The following KCMF1 variants were observed in gnomAD, a reference collection of about 807,000 sequenced individuals.
The protein encoded by KCMF1 is potassium channel modulatory factor 1.
A neutral mutation model predicts 41.1 loss-of-function variants in KCMF1; 3 were observed. That is an observed-to-expected ratio of 0.07 (90% CI 0.03 to 0.19). The LOEUF is 0.19. Among genes scored for constraint, KCMF1 ranks in the 10% least tolerant of loss-of-function variants. The probability of loss-of-function intolerance (pLI) is 1.00; values close to 1 mark genes in which losing one functional copy is unlikely to be tolerated. For missense variants in KCMF1, 286 were observed against 488.9 expected (o/e 0.58, Z 3.91); for synonymous variants, 142 against 164.5 (o/e 0.86, Z 1.04).
intron 3 of KCMF1, 94 bp from the exon 4 acceptor site, chr2:85,043,470 C>G: frequency 1.3e-6 from 1 of 762,018 alleles, no homozygotes; most frequent in Non-Finnish European, 2.3e-6. Flanking sequence ...TTGGTTAAAA[C>G]TTGATAATAG....
Position 85,016,986 on chromosome 2 carries a change from C to G in KCMF1, c.17-10903C>G, listed in dbSNP as rs116311687. On this transcript the variant is annotated intron_variant, in intron 1 of 6. Coordinates refer to ENST00000409785, the MANE Select transcript of KCMF1 (RefSeq NM_020122.5). ...CAGCCTAGTTCATCTTTTTTACTTGCTTTTGTATTCATCTAAGATCCTCTT... is the reference window on the plus strand; with the variant it reads ...CAGCCTAGTTCATCTTTTTTACTTGGTTTTGTATTCATCTAAGATCCTCTT... Among the ~76,000 whole-genome samples the G allele has an allele frequency of 2.2e-5, 3 of 135,866 alleles. No homozygotes were observed. In the East Asian group the frequency reaches 6.5e-4, roughly 29 times the overall value. 89.1% of individuals were successfully genotyped at this position (135,866 alleles called of 152,430 possible).
chr2:85,042,042 A>G (rs1448565885), intron 3 of KCMF1, among the ~76,000 whole-genome samples: 1 of 152,178 alleles, frequency 6.6e-6, no homozygotes, highest in Non-Finnish European at 1.5e-5. Context: ...AAAGAATCTG[A>G]CCACCTTCCT....
chr2:85,034,467 C>A (rs930408100), intron 2 of KCMF1, among the ~76,000 whole-genome samples: 1 of 151,964 alleles, frequency 6.6e-6, no homozygotes, highest in African/African-American at 2.4e-5. Flanking sequence ...GTGAAATGAC[C>A]AATGTTTCAA....
At chr2:84,971,513 T>A in intron 1 of KCMF1, 46 bp downstream of exon 1, 1 of 1,109,174 alleles carries the variant, frequency 9.0e-7, no homozygotes, top group Non-Finnish European at 1.1e-6. Context: ...GGCCTCGGCC[T>A]ACCCCGCCCG....
intron 1 of KCMF1, among the ~76,000 whole-genome samples, chr2:85,015,210 T>C (rs1443848944): frequency 6.6e-6 from 1 of 151,288 alleles, no homozygotes; most frequent in African/African-American, 2.4e-5. Flanking sequence ...CCCCCCCGCT[T>C]TCCCTTCTCT....
At chr2:84,973,787 C>A (rs1229814822) in intron 1 of KCMF1, among the ~76,000 whole-genome samples, 1 of 149,070 alleles carries the variant, frequency 6.7e-6, no homozygotes, top group Non-Finnish European at 1.5e-5. Flanking sequence ...CCATTTCTTT[C>A]AGCATTTCTT....
At chr2:85,006,750 A>G (rs1349106541) in intron 1 of KCMF1, among the ~76,000 whole-genome samples, 2 of 152,140 alleles carry the variant, frequency 1.3e-5, no homozygotes, top group Admixed American at 1.3e-4. Flanking sequence ...AAGAGTGTAC[A>G]AAAGTATGTA....
At chr2:85,018,267 A>ATTTTT (rs373718008) in intron 1 of KCMF1, among the ~76,000 whole-genome samples, 8 of 126,886 alleles carry the variant, frequency 6.3e-5, no homozygotes, top group Non-Finnish European at 9.8e-5. Context: ...ACTAAGCTAG[A>ATTTTT]TTTTTTTTTT....
At chr2:85,032,085 A>G (rs1412949615) in intron 2 of KCMF1, among the ~76,000 whole-genome samples, 2 of 151,246 alleles carry the variant, frequency 1.3e-5, no homozygotes, top group Non-Finnish European at 2.9e-5. Flanking sequence ...TAGACAAACA[A>G]TTGATTTTTT....
intron 3 of KCMF1, 139 bp from the exon 4 acceptor site, chr2:85,043,424 TG>T (rs1165938333): frequency 1.5e-6 from 1 of 650,736 alleles, no homozygotes; most frequent in Non-Finnish European, 2.8e-6. Flanking sequence ...AGGTTTCTAC[TG>T]CTTTTCACTG....
intron 1 of KCMF1, among the ~76,000 whole-genome samples, chr2:85,023,704 T>TC (rs1240632409): frequency 7.2e-5 from 11 of 152,188 alleles, no homozygotes; most frequent in Admixed American, 2.0e-4. Flanking sequence ...GACAAAAGAT[T>TC]CCCTCCCCGG....
chr2:85,029,430 C>T lies in KCMF1; in HGVS notation c.184+1374C>T, dbSNP rs113476897. Among the ~76,000 whole-genome samples the T allele has an allele frequency of 6.4e-3, 971 of 151,696 alleles. 10 individuals are homozygous for T. Among genetic ancestry groups the T allele is most frequent in the African/African-American group, 0.022 (929 of 41,362 alleles). On this transcript the variant is annotated intron_variant, in intron 2 of 6. Coordinates refer to ENST00000409785, the MANE Select transcript of KCMF1 (RefSeq NM_020122.5). Reference sequence around the variant, plus strand: ...AAAACCCTGTCTCTGCATCCACCCCCGAAAAATACAATAAATTAGCTGGAT... The same window carrying T: ...AAAACCCTGTCTCTGCATCCACCCCTGAAAAATACAATAAATTAGCTGGAT...
chr2:84,987,438 A>C (rs1673931145), intron 1 of KCMF1, among the ~76,000 whole-genome samples: 1 of 152,246 alleles, frequency 6.6e-6, no homozygotes. Flanking sequence ...AGAAAGAAAA[A>C]AGATGCCTTA....
At chr2:85,023,152 G>A (rs1262988777) in intron 1 of KCMF1, among the ~76,000 whole-genome samples, 3 of 151,792 alleles carry the variant, frequency 2.0e-5, no homozygotes, top group Non-Finnish European at 4.4e-5. Context: ...CTCCCAAAGT[G>A]CTGGGATTAC....
rs1262496515 is a variant in KCMF1 at position 85,043,648 on chromosome 2, A to G, written c.409A>G (p.Arg137Gly). The G allele has an allele frequency of 6.2e-7, 1 of 1,600,204 alleles. No homozygotes were observed. Among genetic ancestry groups the G allele is most frequent in the Admixed American group, 1.7e-5 (1 of 59,906 alleles). ...TGCAGCTCATCTTACACTTGAACAC[A>G]GAGCCCCTAGAGATTTAATATCCTT... ...DFAAHLTLEH[R>G]APRDLDESSG... Residue 137 changes from arginine to glycine, a missense_variant, in exon 4 of 7, where the codon AGA becomes GGA. This residue lies in a region of KCMF1 where 95 missense variants were observed against 209.6 expected (regional missense o/e 0.45). Transcript: ENST00000409785.
intron 1 of KCMF1, among the ~76,000 whole-genome samples, chr2:84,975,658 T>A (rs1204126596): frequency 2.0e-5 from 3 of 152,232 alleles, no homozygotes; most frequent in Admixed American, 6.5e-5. Flanking sequence ...ACCCACTTTG[T>A]GTTCACCCTG....
chr2:85,008,254 A>G (rs1185218587), intron 1 of KCMF1, among the ~76,000 whole-genome samples: 2 of 89,994 alleles, frequency 2.2e-5, no homozygotes, highest in Non-Finnish European at 4.3e-5. Context: ...TATGATATAT[A>G]TTATATATCA....
chr2:85,043,350 A>G (rs1472716844), intron 3 of KCMF1, among the ~76,000 whole-genome samples: 2 of 152,214 alleles, frequency 1.3e-5, no homozygotes, highest in African/African-American at 4.8e-5. Flanking sequence ...CCAGAGATCA[A>G]GTTTGGTGTG....
At chr2:84,990,878 T>G (rs1382486459) in intron 1 of KCMF1, among the ~76,000 whole-genome samples, 1 of 151,954 alleles carries the variant, frequency 6.6e-6, no homozygotes, top group African/African-American at 2.4e-5. Flanking sequence ...TGGGCCCAGG[T>G]TATATGGGAC....
Sources: gnomAD v4.1 joint callset for allele counts (sites outside exome capture counted in the v4.1 genomes callset) on GRCh38, gnomAD v4.1.1 for gene constraint, gnomAD v4.1.1 regional missense constraint, MANE v1.5 for transcripts, NCBI Gene and HGNC (gene_info 2026-07-23, HGNC 2026-07-21) for gene names.